The following RNLS variants were observed in gnomAD, a reference collection of about 807,000 sequenced individuals.
RNLS encodes renalase, FAD dependent amine oxidase, also known as renalase.
Under a neutral mutation model 39.8 loss-of-function variants are expected in RNLS, and 39 were observed. That is an observed-to-expected ratio of 0.98 (90% CI 0.76 to 1.28). The LOEUF (loss-of-function observed/expected upper bound fraction) is 1.28, where lower values mean the gene tolerates loss of function less well. Ranked by LOEUF, RNLS falls within the 50% of genes most tolerant of loss-of-function variation. The pLI, the probability that RNLS is intolerant of heterozygous loss-of-function variation, is 0.00. For synonymous variants in RNLS, 147 were observed against 150.7 expected (o/e 0.98, Z 0.18); for missense variants, 410 against 413.3 (o/e 0.99, Z 0.07).
chr10:88,452,112 T>C (rs1842391705), intron 4 of RNLS, among the ~76,000 whole-genome samples: 2 of 152,352 alleles, frequency 1.3e-5, no homozygotes, highest in Middle Eastern at 6.8e-3. Flanking sequence ...GCCCTAACTT[T>C]AGAGTAGGTC....
intron 4 of RNLS, among the ~76,000 whole-genome samples, chr10:88,426,028 C>T (rs985427988): frequency 1.3e-5 from 2 of 152,072 alleles, no homozygotes; most frequent in Non-Finnish European, 2.9e-5. Context: ...TGGAAGTTTA[C>T]TCTGTTGCTG....
At chr10:88,380,542 A>ATTT in intron 4 of RNLS, among the ~76,000 whole-genome samples, 1 of 139,544 alleles carries the variant, frequency 7.2e-6, no homozygotes, top group East Asian at 2.1e-4. Context: ...TGCCCAGCTA[A>ATTT]TTTTTTTTTT....
the RNLS span, among the ~76,000 whole-genome samples, chr10:88,215,343 A>G: frequency 6.6e-6 from 1 of 152,164 alleles, no homozygotes; most frequent in Non-Finnish European, 1.5e-5. Context: ...AGACTGAACA[A>G]TTCGACAAGG....
At chr10:88,494,763 A>C (rs897651298) in intron 4 of RNLS, among the ~76,000 whole-genome samples, 2 of 152,116 alleles carry the variant, frequency 1.3e-5, no homozygotes, top group African/African-American at 4.8e-5. Flanking sequence ...AGCAACTCTG[A>C]TAGGTGCCTG....
At chr10:88,342,668 A>G (rs11598623) in intron 5 of RNLS, among the ~76,000 whole-genome samples, 20,831 of 152,244 alleles carry the variant, frequency 0.14, 1,635 homozygotes, top group East Asian at 0.34. Context: ...TCATAAAAAT[A>G]AAATAGAGAA....
In RNLS at chr10:88,275,142, C is replaced by T. The variant is rs45585838; in HGVS notation, c.877-110G>A. On this transcript the variant is annotated intron_variant, in intron 6 of 6. Coordinates refer to the RNLS transcript ENST00000371947. ...TTGCTTTCACGGAACATATATAGAC[C>T]TGGAATGGGGAGGGTTCTGGCTCTA... The T allele has an allele frequency of 0.24, 198,980 of 816,896 alleles. 24,796 individuals carry two copies. Among genetic ancestry groups the T allele is most frequent in the South Asian group, 0.28 (17,248 of 62,476 alleles). 50.6% of individuals were successfully genotyped at this position (816,896 alleles called of 1,614,324 possible).
intron 4 of RNLS, among the ~76,000 whole-genome samples, chr10:88,502,954 C>T (rs1023020320): frequency 1.3e-5 from 2 of 149,744 alleles, no homozygotes; most frequent in African/African-American, 4.9e-5. Context: ...TAAACAAATA[C>T]ATAAAAGTAG....
intron 4 of RNLS, among the ~76,000 whole-genome samples, chr10:88,365,022 T>TC (rs1160849186): frequency 6.6e-6 from 1 of 152,098 alleles, no homozygotes; most frequent in African/African-American, 2.4e-5. Flanking sequence ...ATTGGTCCTC[T>TC]CCCCACCCCC....
chr10:88,235,366 A>T, the RNLS span, among the ~76,000 whole-genome samples: 1 of 152,226 alleles, frequency 6.6e-6, no homozygotes, highest in African/African-American at 2.4e-5. Context: ...TATCCAAAGC[A>T]AACAAGCACG....
chr10:88,233,725 C>T, the RNLS span, among the ~76,000 whole-genome samples: 3 of 152,058 alleles, frequency 2.0e-5, no homozygotes, highest in Non-Finnish European at 4.4e-5. Flanking sequence ...TAAGCCTGTT[C>T]CCTCTGTCTT....
chr10:88,368,589 T>C (rs1477169983), intron 4 of RNLS, among the ~76,000 whole-genome samples: 1 of 152,138 alleles, frequency 6.6e-6, no homozygotes, highest in African/African-American at 2.4e-5. Flanking sequence ...ATCGTACATA[T>C]AATTTTGCGT....
chr10:88,575,141 TATATATATATATATATATACAC>T (rs1257323423), intron 3 of RNLS, among the ~76,000 whole-genome samples: 3 of 32,916 alleles, frequency 9.1e-5, no homozygotes, highest in Non-Finnish European at 1.4e-4. Flanking sequence ...TATATATATA[TATATATATATATATATATACAC>T]ACACACACAC....
At chr10:88,294,114 T>C (rs567163609) in intron 6 of RNLS, among the ~76,000 whole-genome samples, 1 of 152,306 alleles carries the variant, frequency 6.6e-6, no homozygotes. Flanking sequence ...TAAATTCAAA[T>C]TACATGTGGC....
At chr10:88,390,716 G>T (rs989001058) in intron 4 of RNLS, among the ~76,000 whole-genome samples, 4 of 152,120 alleles carry the variant, frequency 2.6e-5, no homozygotes, top group African/African-American at 9.7e-5. Context: ...AAGTTTATGA[G>T]GGCCATTTTT....
intron 6 of RNLS, among the ~76,000 whole-genome samples, chr10:88,288,882 AAG>A (rs1843471461): frequency 6.6e-6 from 1 of 152,218 alleles, no homozygotes; most frequent in African/African-American, 2.4e-5. Flanking sequence ...CATGTAAAGT[AAG>A]AGCCCTGCAG....
the RNLS span, among the ~76,000 whole-genome samples, chr10:88,224,418 G>T: frequency 6.6e-6 from 1 of 152,328 alleles, no homozygotes; most frequent in Non-Finnish European, 1.5e-5. Flanking sequence ...GAAGGCATGA[G>T]AAGATATGAG....
intron 4 of RNLS, among the ~76,000 whole-genome samples, chr10:88,464,408 C>T (rs1047411540): frequency 2.0e-5 from 3 of 152,020 alleles, no homozygotes; most frequent in Non-Finnish European, 4.4e-5. Flanking sequence ...ATTTTGTTGT[C>T]CCTAAAGTTA....
intron 4 of RNLS, among the ~76,000 whole-genome samples, chr10:88,526,792 T>C (rs904519963): frequency 1.3e-5 from 2 of 151,098 alleles, no homozygotes; most frequent in African/African-American, 4.9e-5. Flanking sequence ...TGGAAGCTAC[T>C]GAATAGTAGA....
chr10:88,197,004 G>T, the RNLS span, among the ~76,000 whole-genome samples: 1 of 152,170 alleles, frequency 6.6e-6, no homozygotes, highest in Admixed American at 6.5e-5. Context: ...AATTAATAAT[G>T]ATTCTGGGAG....
Sources: gnomAD v4.1 joint callset for allele counts (sites outside exome capture counted in the v4.1 genomes callset) on GRCh38, gnomAD v4.1.1 for gene constraint, MANE v1.5 for transcripts, NCBI Gene and HGNC (gene_info 2026-07-23, HGNC 2026-07-21) for gene names.